The following PLEKHA7 variants were observed in gnomAD, a reference collection of about 807,000 sequenced individuals.
PLEKHA7 encodes the protein pleckstrin homology domain-containing family A member 7.
Under a neutral mutation model 170.0 loss-of-function variants are expected in PLEKHA7, and 104 were observed. The observed-to-expected ratio is 0.61, with a 90% confidence interval of 0.52 to 0.72. PLEKHA7 has a LOEUF of 0.72. Among genes scored for constraint, PLEKHA7 ranks in the 30% least tolerant of loss-of-function variants. PLEKHA7 has a pLI of 0.00. For synonymous variants in PLEKHA7, 648 were observed against 660.8 expected (o/e 0.98, Z 0.30); for missense variants, 1,615 against 1,671.7 (o/e 0.97, Z 0.59).
chr11:16,779,089 T>A, intron 26 of PLEKHA7, 69 bp from the exon 27 acceptor site: 1 of 701,064 alleles, frequency 1.4e-6, no homozygotes, highest in Non-Finnish European at 2.6e-6. Context: ...ACACACATGA[T>A]GGAATGGCAG....
At chr11:16,974,626 G>GT (rs397965149) in intron 3 of PLEKHA7, 43,356 of 148,316 alleles carry the variant, frequency 0.29, 11,823 homozygotes, top group Non-Finnish European at 0.32. Flanking sequence ...GATTTCACAG[G>GT]TTTTTTTTTT....
Position 16,871,158 on chromosome 11 carries a change from G to C in PLEKHA7, c.246C>G (p.Phe82Leu), listed in dbSNP as rs1375545734. The change falls in exon 4 of 27, where the codon TTC (phenylalanine) becomes TTG (leucine). Residue 82 changes from phenylalanine (F) to leucine (L), a missense_variant. Physicochemically the swap from Phe to Leu is conservative, Grantham distance 22. Coordinates refer to ENST00000531066, the MANE Select transcript of PLEKHA7 (RefSeq NM_001329630.2). ...AAAACTGTCCCGTCACAGGATGCCT[G>C]AATGCTGTGGTCTGCTGGTTATGGC... ...FIDHNQQTTAFRHPVTGQFSP... is the reference protein window; with the variant it reads ...FIDHNQQTTALRHPVTGQFSP... 3 of 1,609,516 alleles carry C rather than the reference G, an allele frequency of 1.9e-6. No individual in the cohort carries two copies. Among genetic ancestry groups the C allele is most frequent in the Admixed American group, 1.7e-5 (1 of 59,974 alleles).
chr11:16,801,113 C>A, intron 16 of PLEKHA7, 38 bp from the exon 17 acceptor site: 1 of 1,578,026 alleles, frequency 6.3e-7, no homozygotes, highest in South Asian at 1.1e-5. Context: ...CTTAGTTATC[C>A]CCTGCCCCCT....
In PLEKHA7 at chr11:16,790,850, G is replaced by A. The variant is rs35142528; in HGVS notation, c.3000C>T (p.Pro1000=). ...LATLSGDMAQ[P]SLGLVGPESR... ...TCTCAGGGCCCACAAGTCCTAGGGA[G>A]GGCTGGGCCATGTCCCCGCTGAGGG... The change falls in exon 21 of 27, where the codon CCC becomes CCT. Residue 1000 remains proline, a synonymous_variant. Coordinates refer to ENST00000531066, the MANE Select transcript of PLEKHA7 (RefSeq NM_001329630.2). 150,775 of 1,609,838 alleles carry A rather than the reference G, an allele frequency of 0.094. 7,650 individuals are homozygous for A. Among genetic ancestry groups the A allele is most frequent in the Non-Finnish European group, 0.1 (117,701 of 1,178,170 alleles).
chr11:16,864,530 T>G (rs1268582872), intron 4 of PLEKHA7, among the ~76,000 whole-genome samples: 15 of 152,218 alleles, frequency 9.9e-5, no homozygotes. Context: ...TCATCTTGAA[T>G]TTGTAGCTGC....
intron 3 of PLEKHA7, among the ~76,000 whole-genome samples, chr11:16,964,074 C>A (rs1862226625): frequency 6.6e-6 from 1 of 152,104 alleles, no homozygotes; most frequent in Non-Finnish European, 1.5e-5. Flanking sequence ...AGAATTTGTC[C>A]TTTGGTAATT....
At chr11:16,837,172 G>T (rs1048243664) in intron 9 of PLEKHA7, among the ~76,000 whole-genome samples, 1 of 152,210 alleles carries the variant, frequency 6.6e-6, no homozygotes, top group Non-Finnish European at 1.5e-5. Flanking sequence ...ACATGATCAT[G>T]GAGTTTTAAG....
intron 3 of PLEKHA7, among the ~76,000 whole-genome samples, chr11:16,940,958 C>T (rs1459083393): frequency 2.6e-5 from 4 of 152,114 alleles, no homozygotes; most frequent in Non-Finnish European, 5.9e-5. Flanking sequence ...GAGTGTGACA[C>T]CAAGAACCAG....
chr11:16,991,737 G>C (rs994346041), intron 3 of PLEKHA7, among the ~76,000 whole-genome samples: 1 of 152,192 alleles, frequency 6.6e-6, no homozygotes, highest in Non-Finnish European at 1.5e-5. Flanking sequence ...TTGTATGTGA[G>C]ATAGGAGCCC....
At chr11:16,932,278 CT>C (rs11372688) in intron 3 of PLEKHA7, among the ~76,000 whole-genome samples, 3 of 139,480 alleles carry the variant, frequency 2.2e-5, no homozygotes, top group Non-Finnish European at 3.1e-5. Flanking sequence ...TTATTCATTC[CT>C]TTTTTTTTTT....
intron 10 of PLEKHA7, among the ~76,000 whole-genome samples, chr11:16,820,599 G>A (rs529500772): frequency 1.3e-5 from 2 of 152,288 alleles, no homozygotes; most frequent in Non-Finnish European, 2.9e-5. Context: ...GGGAGTTCAG[G>A]ACTTGACTAA....
rs545724272 is a variant in PLEKHA7 at position 17,006,483 on chromosome 11, C to T, written c.221+7506G>A. 6.6e-3 allele frequency among the ~76,000 whole-genome samples: 995 copies of T among 151,728 alleles called. 14 individuals are homozygous for T. The highest frequency in any genetic ancestry group is 0.021 in the African/African-American group (880 of 41,350). On this transcript the variant is annotated intron_variant, in intron 3 of 26. Transcript: ENST00000531066. ...CTGTACTAAAAATACAAAAAAATAG[C>T]CAGGCATGGTGGCGCATGCCTGTAG...
At chr11:16,934,324 C>A (rs893513034) in intron 3 of PLEKHA7, among the ~76,000 whole-genome samples, 1 of 152,124 alleles carries the variant, frequency 6.6e-6, no homozygotes, top group Non-Finnish European at 1.5e-5. Flanking sequence ...ATGCCAACCT[C>A]GCTTGATAAA....
chr11:16,953,514 G>A (rs1002644659), intron 3 of PLEKHA7, among the ~76,000 whole-genome samples: 13 of 152,056 alleles, frequency 8.5e-5, no homozygotes, highest in Non-Finnish European at 4.4e-5. Flanking sequence ...GATAAGGACC[G>A]GGGCTTTCCA....
chr11:16,897,152 G>A (rs1473853568), intron 3 of PLEKHA7, among the ~76,000 whole-genome samples: 1 of 152,172 alleles, frequency 6.6e-6, no homozygotes, highest in Non-Finnish European at 1.5e-5. Context: ...TAACAGAAGA[G>A]GTTAAGTCTT....
chr11:16,803,629 G>A, intron 13 of PLEKHA7: 1 of 306,304 alleles, frequency 3.3e-6, no homozygotes, highest in South Asian at 3.2e-5. Flanking sequence ...TGGAAGATTT[G>A]CCACCGATAA....
chr11:16,794,700 G>C lies in PLEKHA7; in HGVS notation c.2533C>G (p.Pro845Ala). 3 of 1,613,912 alleles carry C rather than the reference G, an allele frequency of 1.9e-6. No individual in the cohort carries two copies. Among genetic ancestry groups the C allele is most frequent in the Non-Finnish European group, 1.7e-6 (2 of 1,179,960 alleles). ...GGCACAGGCGGGTGAGGAAACAAAG[G>C]CACCGTTTTTCTCTCTAAGGGGCAT... ...SVKNPERKTV[P>A]LFPHPPVPSL... Residue 845 changes from proline (P) to alanine (A), a missense_variant, in exon 19 of 27, where the codon CCT becomes GCT. Pro to Ala is a conservative substitution (Grantham distance 27). Coordinates refer to ENST00000531066, the MANE Select transcript of PLEKHA7 (RefSeq NM_001329630.2).
chr11:16,860,407 G>A (rs1459503008), intron 4 of PLEKHA7, among the ~76,000 whole-genome samples: 1 of 152,134 alleles, frequency 6.6e-6, no homozygotes, highest in East Asian at 1.9e-4. Flanking sequence ...AACGGTGTGA[G>A]CTGAAGTAGA....
At chr11:16,936,552 C>T (rs192197371) in intron 3 of PLEKHA7, among the ~76,000 whole-genome samples, 3 of 152,308 alleles carry the variant, frequency 2.0e-5, no homozygotes, top group Middle Eastern at 3.4e-3. Flanking sequence ...CCTCCACTCT[C>T]CCAATCATTG....
Sources: gnomAD v4.1 joint callset for allele counts (sites outside exome capture counted in the v4.1 genomes callset) on GRCh38, gnomAD v4.1.1 for gene constraint, MANE v1.5 for transcripts, NCBI Gene and HGNC (gene_info 2026-07-23, HGNC 2026-07-21) for gene names.